The following HECTD4 variants were observed in gnomAD, a reference collection of about 807,000 sequenced individuals.
HECTD4 encodes probable E3 ubiquitin-protein ligase HECTD4.
In HECTD4, 114 loss-of-function variants were observed where a neutral mutation model predicts 471.5. The ratio of observed to expected loss-of-function variants is 0.24; its 90% CI spans 0.21 to 0.28. The LOEUF (loss-of-function observed/expected upper bound fraction) is 0.28. Ranked by LOEUF, HECTD4 falls within the 10% of genes least tolerant of loss-of-function variation. The pLI is 1.00. For missense variants in HECTD4, 3,866 were observed against 5,651.5 expected (o/e 0.68, Z 10.13); for synonymous variants, 2,012 against 2,256.0 (o/e 0.89, Z 3.07).
At chr12:112,305,009 T>C (rs2035245797) in intron 7 of HECTD4, among the ~76,000 whole-genome samples, 1 of 152,204 alleles carries the variant, frequency 6.6e-6, no homozygotes, top group Admixed American at 6.5e-5. Flanking sequence ...AAAAAGGTTT[T>C]GTCACAGACC....
intron 1 of HECTD4, among the ~76,000 whole-genome samples, chr12:112,349,120 C>T (rs539872738): frequency 6.6e-5 from 10 of 152,070 alleles, no homozygotes; most frequent in East Asian, 1.9e-4. Flanking sequence ...AGGCCAGGTG[C>T]GGTGGCTCAC....
intron 1 of HECTD4, among the ~76,000 whole-genome samples, chr12:112,328,899 G>C (rs1383095229): frequency 6.6e-6 from 1 of 152,170 alleles, no homozygotes; most frequent in East Asian, 1.9e-4. Flanking sequence ...AGATTTTTTA[G>C]TTTTGGCTAA....
At chr12:112,181,920 C>T (rs1034244311) in intron 62 of HECTD4, among the ~76,000 whole-genome samples, 2 of 151,724 alleles carry the variant, frequency 1.3e-5, no homozygotes, top group Non-Finnish European at 1.5e-5. Flanking sequence ...GGTGAAACCC[C>T]GTCTCTACTA....
intron 4 of HECTD4, among the ~76,000 whole-genome samples, 188 bp downstream of exon 4, chr12:112,312,829 T>C (rs2035398054): frequency 6.6e-6 from 1 of 152,232 alleles, no homozygotes; most frequent in Admixed American, 6.5e-5. Context: ...CTATCCATTT[T>C]CTTACCTCAC....
At chr12:112,165,919 C>T (rs188546626) in intron 72 of HECTD4, among the ~76,000 whole-genome samples, 1 of 152,208 alleles carries the variant, frequency 6.6e-6, no homozygotes, top group African/African-American at 2.4e-5. Flanking sequence ...GGGTCTAAGC[C>T]TGGAGTCTCC....
chr12:112,319,666 G>A lies in HECTD4; in HGVS notation c.254C>T (p.Ala85Val). The change falls in exon 2 of 76, where the codon GCC becomes GTC. Residue 85 changes from alanine (A) to valine (V), a missense_variant. By Grantham distance (64) the Ala-to-Val change is moderately conservative (BLOSUM62 0). This residue lies in a region of HECTD4 where 440 missense variants were observed against 636.0 expected (regional missense o/e 0.69). Transcript: ENST00000682272. This position sits in a 1 kb window ranked among gnomAD's most constrained non-coding sequence, Gnocchi z 5.3. ...GCGGTATTCCAGCAGCCGGGCATAGGCATTGCTCTGATTCCCACAAACAGA... is the reference window on the plus strand; with the variant it reads ...GCGGTATTCCAGCAGCCGGGCATAGACATTGCTCTGATTCCCACAAACAGA... ...LRSVCGNQSN[A>V]YARLLEYRLN... The A allele has an allele frequency of 7.4e-7, 1 of 1,343,806 alleles. No individual in the cohort carries two copies. Among genetic ancestry groups the A allele is most frequent in the Non-Finnish European group, 9.5e-7 (1 of 1,051,382 alleles). The allele number at this position is 1,343,806 out of a possible 1,614,324, so 83.2% of individuals were successfully genotyped here.
chr12:112,309,575 T>C lies in HECTD4; in HGVS notation c.1011A>G (p.Leu337=). The C allele has an allele frequency of 1.4e-6, 2 of 1,480,844 alleles. No individual in the cohort carries two copies. The highest frequency in any genetic ancestry group is 1.8e-6 in the Non-Finnish European group (2 of 1,095,672). The allele number at this position is 1,480,844 out of a possible 1,614,324, so 91.7% of individuals were successfully genotyped here. A position where few individuals can be genotyped will look rare whatever the true frequency, so the allele number is the denominator to read the frequency against. Residue 337 remains leucine (L), a synonymous_variant, in exon 5 of 76, where the codon TTA becomes TTG. Coordinates refer to ENST00000682272, the MANE Select transcript of HECTD4 (RefSeq NM_001388303.1). The part of the protein sequence containing the change: ...GRGVSKLGSG[L]HGTLRGFVYC... ...ATGCAACTGACCTGAGAGTACCATG[T>C]AATCCAGATCCCAATTTGCTTACTC...
chr12:112,185,519 T>G, intron 60 of HECTD4, 26 bp from the exon 61 acceptor site: 1 of 1,469,758 alleles, frequency 6.8e-7, no homozygotes, highest in South Asian at 1.3e-5. Context: ...ATAGTAACAG[T>G]AATTACTATG....
chr12:112,199,297 T>C (rs1000277869), intron 55 of HECTD4, among the ~76,000 whole-genome samples: 5 of 152,214 alleles, frequency 3.3e-5, no homozygotes, highest in African/African-American at 7.2e-5. Context: ...AAGAAAGTCA[T>C]ATGTGACCTA....
rs1414982943 is a variant in HECTD4 at position 112,163,230 on chromosome 12, G to A, written c.12932C>T (p.Thr4311Met). The change falls in exon 75 of 76, where the codon ACG (threonine) becomes ATG (methionine). Residue 4311 changes from threonine to methionine, a missense_variant. By Grantham distance (81) the Thr-to-Met change is moderately conservative. Transcript: ENST00000682272. The surrounding 1 kb of genome is among the most constrained non-coding windows in gnomAD (Gnocchi z 8.2). ...HTMYQVGLMETDQHIEFFWGA... is the reference protein window; with the variant it reads ...HTMYQVGLMEMDQHIEFFWGA... The stretch of plus-strand genomic sequence containing the variant: ...CCAGAAGAACTCGATGTGCTGGTCC[G>A]TCTCCATCAGCCCCACTTGGTACAT... The A allele has an allele frequency of 4.3e-6, 7 of 1,613,764 alleles. No homozygotes were observed. Among genetic ancestry groups the A allele is most frequent in the African/African-American group, 2.7e-5 (2 of 74,928 alleles).
chr12:112,316,212 T>C (rs940706241), intron 2 of HECTD4, among the ~76,000 whole-genome samples: 7 of 152,168 alleles, frequency 4.6e-5, no homozygotes, highest in Non-Finnish European at 1.0e-4. Context: ...ATGTCAGTTT[T>C]GTCACTCGCC....
At chr12:112,329,611 G>A (rs1041350109) in intron 1 of HECTD4, among the ~76,000 whole-genome samples, 2 of 152,050 alleles carry the variant, frequency 1.3e-5, no homozygotes, top group Non-Finnish European at 2.9e-5. Context: ...GAAGAGATCC[G>A]CCCACCTCGG....
intron 40 of HECTD4, among the ~76,000 whole-genome samples, 156 bp downstream of exon 40, chr12:112,230,531 T>C (rs964427463): frequency 6.6e-6 from 1 of 152,210 alleles, no homozygotes; most frequent in South Asian, 2.1e-4. Flanking sequence ...GAGTTGAAAG[T>C]ACTACAGTAA....
chr12:112,203,572 A>C lies in HECTD4; in HGVS notation c.8406+64T>G, dbSNP rs368478232. 24 of 1,349,400 alleles carry C rather than the reference A, an allele frequency of 1.8e-5. No homozygotes were observed. In the African/African-American group the frequency reaches 3.1e-4, roughly 18 times the overall value. 83.6% of individuals were successfully genotyped at this position (1,349,400 alleles called of 1,614,324 possible). ...TAATCACTTTTTAAGGTACCTGGGA[A>C]TCTGGGTATGACAGCCTCAGTATAT... On this transcript the variant is annotated intron_variant, in intron 54 of 75. Transcript: ENST00000682272.
At chr12:112,354,128 A>G (rs2036292066) in intron 1 of HECTD4, among the ~76,000 whole-genome samples, 1 of 152,024 alleles carries the variant, frequency 6.6e-6, no homozygotes, top group South Asian at 2.1e-4. Context: ...GCTGGAGTGC[A>G]GTGGCGTGAA....
chr12:112,289,581 T>G (rs990283218), intron 7 of HECTD4, among the ~76,000 whole-genome samples: 16 of 151,422 alleles, frequency 1.1e-4, no homozygotes, highest in African/African-American at 3.4e-4. Context: ...AATGTTTAGG[T>G]TTTTTTTTCT....
intron 49 of HECTD4, among the ~76,000 whole-genome samples, chr12:112,210,875 G>A (rs1437496175): frequency 1.3e-5 from 2 of 152,246 alleles, no homozygotes; most frequent in African/African-American, 4.8e-5. Context: ...GCTCAGCATA[G>A]TGCTTGACAT....
At chr12:112,230,860 G>A in intron 39 of HECTD4, 38 bp from the exon 40 acceptor site, 1 of 1,592,642 alleles carries the variant, frequency 6.3e-7, no homozygotes, top group South Asian at 1.1e-5. Flanking sequence ...AGTGCCCAGT[G>A]ATGGTTAAGA....
chr12:112,322,918 G>A (rs1488593527), intron 1 of HECTD4: 1 of 158,388 alleles, frequency 6.3e-6, no homozygotes, highest in Non-Finnish European at 1.4e-5. Flanking sequence ...ACCCCTTGGA[G>A]AACGAACAGA....
Sources: gnomAD v4.1 joint callset for allele counts (sites outside exome capture counted in the v4.1 genomes callset) on GRCh38, gnomAD v4.1.1 for gene constraint, gnomAD v4.1.1 regional missense constraint, Gnocchi (gnomAD v3.1) non-coding constraint, MANE v1.5 for transcripts, NCBI Gene and HGNC (gene_info 2026-07-23, HGNC 2026-07-21) for gene names.